AUTS2: variants seen among roughly 807,000 people sequenced by gnomAD.
AUTS2 encodes the protein activator of transcription and developmental regulator AUTS2.
In AUTS2, 17 loss-of-function variants were observed where a neutral mutation model predicts 112.4. The ratio of observed to expected loss-of-function variants is 0.15; its 90% confidence interval spans 0.10 to 0.23. AUTS2 has a LOEUF of 0.23. AUTS2 is among the 10% of genes least tolerant of loss of function. The pLI, the probability that AUTS2 is intolerant of heterozygous loss-of-function variation, is 1.00. For synonymous variants in AUTS2, 751 were observed against 702.7 expected, an observed-to-expected ratio of 1.07 and a Z score of -1.09; for missense variants, 1,510 against 1,701.6, an observed-to-expected ratio of 0.89 and a Z score of 1.98.
intron 2 of AUTS2, among the ~76,000 whole-genome samples, chr7:69,941,415 A>G (rs536506663): frequency 3.3e-5 from 5 of 152,332 alleles, no homozygotes; most frequent in South Asian, 2.1e-4. Flanking sequence ...TTTCCTGTCT[A>G]GAGAACCACC....
At chr7:69,754,951 C>G (rs1286640802) in intron 1 of AUTS2, among the ~76,000 whole-genome samples, 2 of 152,216 alleles carry the variant, frequency 1.3e-5, no homozygotes, top group Admixed American at 1.3e-4. Context: ...AGGACACAGC[C>G]TCATGTAGTG....
At chr7:70,418,027 G>A (rs1200339494) in intron 4 of AUTS2, among the ~76,000 whole-genome samples, 1 of 151,980 alleles carries the variant, frequency 6.6e-6, no homozygotes, top group East Asian at 1.9e-4. Context: ...ATCACAGGGG[G>A]CACTTGTGAT....
At chr7:70,695,652 C>T (rs1809049467) in intron 5 of AUTS2, among the ~76,000 whole-genome samples, 2 of 152,378 alleles carry the variant, frequency 1.3e-5, no homozygotes, top group East Asian at 3.9e-4. Context: ...GGTCCCACCC[C>T]GTCTGCACGC....
intron 1 of AUTS2, among the ~76,000 whole-genome samples, chr7:69,719,798 A>AT (rs1172788973): frequency 6.6e-6 from 1 of 152,202 alleles, no homozygotes; most frequent in Non-Finnish European, 1.5e-5. Flanking sequence ...AGGCATCATC[A>AT]TGACTGCTGT....
intron 5 of AUTS2, among the ~76,000 whole-genome samples, chr7:70,525,973 G>T (rs548703222): frequency 5.3e-5 from 8 of 152,188 alleles, no homozygotes; most frequent in Non-Finnish European, 8.8e-5. Flanking sequence ...GTGTCCTCAC[G>T]TACGAGAGTG....
intron 2 of AUTS2, among the ~76,000 whole-genome samples, chr7:69,976,480 ATGTATG>A (rs1286126236): frequency 6.6e-6 from 1 of 152,140 alleles, no homozygotes; most frequent in Non-Finnish European, 1.5e-5. Context: ...TCTTTTTGGT[ATGTATG>A]TAGAAGTGGG....
intron 2 of AUTS2, among the ~76,000 whole-genome samples, chr7:69,939,280 A>T (rs528215039): frequency 6.6e-6 from 1 of 152,320 alleles, no homozygotes; most frequent in Non-Finnish European, 1.5e-5. Flanking sequence ...AAGGATAGGA[A>T]TCTTTGCCTT....
At chr7:70,543,575 A>G (rs1047509229) in intron 5 of AUTS2, among the ~76,000 whole-genome samples, 1 of 150,740 alleles carries the variant, frequency 6.6e-6, no homozygotes, top group Non-Finnish European at 1.5e-5. Context: ...TAGCAGAGAG[A>G]GGGACTCAGA....
intron 3 of AUTS2, among the ~76,000 whole-genome samples, chr7:70,134,281 T>C (rs949817084): frequency 6.6e-6 from 1 of 152,112 alleles, no homozygotes; most frequent in African/African-American, 2.4e-5. Flanking sequence ...GTCAAATAAA[T>C]TGGCAATTAC....
At chr7:69,965,264 A>G (rs1797593451) in intron 2 of AUTS2, among the ~76,000 whole-genome samples, 1 of 152,144 alleles carries the variant, frequency 6.6e-6, no homozygotes, top group Non-Finnish European at 1.5e-5. Flanking sequence ...AAGTGTGCTA[A>G]GAACTTTACA....
At chr7:70,460,338 C>CTTTTTTTTTT (rs10537541) in intron 5 of AUTS2, among the ~76,000 whole-genome samples, 1 of 38,216 alleles carries the variant, frequency 2.6e-5, no homozygotes, top group Non-Finnish European at 4.5e-5. Context: ...ACAGCCTGGT[C>CTTTTTTTTTT]TTTTTTTTTT....
At chr7:70,713,987 A>T (rs1156443917) in intron 6 of AUTS2, among the ~76,000 whole-genome samples, 1 of 152,002 alleles carries the variant, frequency 6.6e-6, no homozygotes, top group Non-Finnish European at 1.5e-5. Flanking sequence ...CTTGCATTTC[A>T]AGTAACCAGG....
At chr7:70,481,135 GA>G (rs1797771959) in intron 5 of AUTS2, among the ~76,000 whole-genome samples, 1 of 152,200 alleles carries the variant, frequency 6.6e-6, no homozygotes. Flanking sequence ...TCTGAGCAGG[GA>G]AGGGAGGCAA....
intron 1 of AUTS2, among the ~76,000 whole-genome samples, chr7:69,609,081 C>G (rs1792882095): frequency 6.6e-6 from 1 of 152,206 alleles, no homozygotes; most frequent in Non-Finnish European, 1.5e-5. Flanking sequence ...AGTTCTACCT[C>G]TCATTTTGCA....
At chr7:70,483,965 A>G (rs2116256963) in intron 5 of AUTS2, among the ~76,000 whole-genome samples, 1 of 152,330 alleles carries the variant, frequency 6.6e-6, no homozygotes, top group South Asian at 2.1e-4. Flanking sequence ...AGGGAAAGAA[A>G]GGCTTGATTG....
At chr7:69,900,957 G>A (rs1190500944) in intron 2 of AUTS2, among the ~76,000 whole-genome samples, 1 of 152,132 alleles carries the variant, frequency 6.6e-6, no homozygotes, top group Non-Finnish European at 1.5e-5. Context: ...TGCCTAGTAG[G>A]TAATATCATG....
chr7:70,669,427 A>T (rs1807521917), intron 5 of AUTS2, among the ~76,000 whole-genome samples: 1 of 152,244 alleles, frequency 6.6e-6, no homozygotes, highest in Non-Finnish European at 1.5e-5. Flanking sequence ...ACAAGGGTTC[A>T]GCAGAGAAAG....
intron 4 of AUTS2, among the ~76,000 whole-genome samples, chr7:70,254,827 C>G (rs1425782848): frequency 6.6e-6 from 1 of 152,138 alleles, no homozygotes; most frequent in Non-Finnish European, 1.5e-5. Context: ...AGCAAAGCAA[C>G]ATAATAGGAT....
intron 4 of AUTS2, among the ~76,000 whole-genome samples, chr7:70,141,867 AT>A (rs1446680033): frequency 6.6e-6 from 1 of 152,222 alleles, no homozygotes; most frequent in African/African-American, 2.4e-5. Context: ...ACATTTAAAC[AT>A]TTGTAGAATC....
Sources: allele counts gnomAD v4.1 joint callset (sites outside exome capture counted in the v4.1 genomes callset), GRCh38; gene constraint gnomAD v4.1.1; transcripts MANE v1.5; gene names NCBI Gene and HGNC (gene_info 2026-07-23, HGNC 2026-07-21).